The following ADGRB1 variants were observed in gnomAD, a reference collection of about 807,000 sequenced individuals.
ADGRB1 encodes the protein brain-specific angiogenesis inhibitor 1.
A neutral mutation model predicts 175.7 loss-of-function variants in ADGRB1; 36 were observed. The ratio of observed to expected loss-of-function variants is 0.20; its 90% CI spans 0.16 to 0.27. The LOEUF (loss-of-function observed/expected upper bound fraction) is 0.27, where lower values mean the gene tolerates loss of function less well. ADGRB1 is among the 10% of genes least tolerant of loss of function. ADGRB1 has a pLI of 1.00. For missense variants in ADGRB1, 1,731 were observed against 2,255.3 expected, an observed-to-expected ratio of 0.77 and a Z score of 4.71; for synonymous variants, 1,054 against 979.4, an observed-to-expected ratio of 1.08 and a Z score of -1.42.
chr8:142,524,826 C>T (rs912310663), intron 23 of ADGRB1, among the ~76,000 whole-genome samples: 4 of 152,114 alleles, frequency 2.6e-5, no homozygotes, highest in African/African-American at 7.2e-5. Context: ...AAGACTGTGG[C>T]AGGTGGCACG....
At chr8:142,539,330 G>A (rs772105493) in intron 26 of ADGRB1, 44 bp from the exon 27 acceptor site, 157 of 1,546,344 alleles carry the variant, frequency 1.0e-4, no homozygotes, top group Admixed American at 7.2e-4. Flanking sequence ...ACACACCCCC[G>A]CTCCCAGAGG....
chr8:142,526,448 G>A (rs1176792176), intron 23 of ADGRB1, 94 bp from the exon 24 acceptor site: 16 of 1,168,096 alleles, frequency 1.4e-5, no homozygotes, highest in South Asian at 9.2e-5. Flanking sequence ...GTAGGGGGTC[G>A]TGGTTGGCGT....
chr8:142,481,875 T>C (rs1207060304), intron 11 of ADGRB1, among the ~76,000 whole-genome samples, 164 bp downstream of exon 11: 5 of 151,572 alleles, frequency 3.3e-5, no homozygotes, highest in Non-Finnish European at 7.4e-5. Flanking sequence ...TGGTCACACA[T>C]TGAGCCCTGA....
chr8:142,521,899 T>C (rs1055712763), intron 20 of ADGRB1, 66 bp from the exon 21 acceptor site: 1 of 1,520,668 alleles, frequency 6.6e-7, no homozygotes, highest in African/African-American at 1.4e-5. Flanking sequence ...AGACAGGCAC[T>C]CAGTGGGGAC....
chr8:142,498,769 C>G (rs946723036), intron 17 of ADGRB1, among the ~76,000 whole-genome samples: 1 of 152,178 alleles, frequency 6.6e-6, no homozygotes, highest in Admixed American at 6.5e-5. Flanking sequence ...CCCCTGCCCA[C>G]ACTACCCCTC....
In ADGRB1 at chr8:142,458,335, G is replaced by A. The variant is rs1339847632; in HGVS notation, c.-219-5645G>A. Among the ~76,000 whole-genome samples, 4 of 152,318 alleles carry A rather than the reference G, an allele frequency of 2.6e-5. No individual in the cohort carries two copies. In the South Asian group the frequency reaches 6.2e-4, roughly 24 times the overall value. On this transcript the variant is annotated intron_variant, in intron 1 of 30. Coordinates refer to ENST00000517894, the MANE Select transcript of ADGRB1 (RefSeq NM_001702.3). ...CAGGCCTGGTGGCAGGGTGGGGTGC[G>A]TGTGTGCAGTCTGCACAGGCCCAGG...
intron 1 of ADGRB1, among the ~76,000 whole-genome samples, chr8:142,459,994 C>T (rs536963295): frequency 9.6e-4 from 147 of 152,370 alleles, no homozygotes; most frequent in Non-Finnish European, 1.3e-3. Flanking sequence ...CTCCCCTGCA[C>T]GCCCCACCCC....
chr8:142,520,064 G>C (rs992602548), intron 19 of ADGRB1, among the ~76,000 whole-genome samples: 14 of 150,326 alleles, frequency 9.3e-5, no homozygotes, highest in Admixed American at 2.6e-4. Flanking sequence ...GGTGGTGATA[G>C]TGGTGCTGAT....
Position 142,464,060 on chromosome 8 carries a change from G to A in ADGRB1, c.-139G>A, listed in dbSNP as rs1840106473. Reference sequence around the variant, plus strand: ...TGCCCTCTCTGTCACCTGAAGCGGGGCCCTCTCCCATCCCACCCTTGCCCC... The same window carrying A: ...TGCCCTCTCTGTCACCTGAAGCGGGACCCTCTCCCATCCCACCCTTGCCCC... On this transcript the variant is annotated 5_prime_UTR_variant, in exon 2 of 31. Transcript: ENST00000517894. The A allele has an allele frequency of 1.4e-6, 1 of 711,546 alleles. No individual in the cohort carries two copies. The allele number at this position is 711,546 out of a possible 1,614,324, so 44.1% of individuals were successfully genotyped here.
In ADGRB1 at chr8:142,493,715, G is replaced by A. The variant is rs567546626; in HGVS notation, c.2675+2900G>A. 5.3e-5 allele frequency among the ~76,000 whole-genome samples: 8 copies of A among 152,380 alleles called. No individual in the cohort carries two copies. Among genetic ancestry groups the A allele is most frequent in the East Asian group, 3.9e-4 (2 of 5,184 alleles). On this transcript the variant is annotated intron_variant, in intron 17 of 30. Coordinates refer to ENST00000517894, the MANE Select transcript of ADGRB1 (RefSeq NM_001702.3). This position sits in a 1 kb window ranked among gnomAD's most constrained non-coding sequence, Gnocchi z 5.0. ...CCTACAGTCCCGCTGAAAGCACAGC[G>A]CAGTGATCGAGGCCTTCTGCTCTGG...
intron 9 of ADGRB1, 24 bp downstream of exon 9, chr8:142,479,818 G>A (rs749986962): frequency 1.7e-5 from 27 of 1,596,240 alleles, no homozygotes; most frequent in South Asian, 8.9e-5. Flanking sequence ...AGCACGTGGT[G>A]TATGGGGGCT....
In ADGRB1 at chr8:142,484,770, C is replaced by G. The variant is rs538968830; in HGVS notation, c.2308+6C>G. 339 of 1,578,502 alleles carry G rather than the reference C, an allele frequency of 2.1e-4. 3 individuals are homozygous for G. The Admixed American group carries it at 5.4e-3, about 25-fold the overall frequency. Reference sequence around the variant, plus strand: ...CCAGGTGACAGACAACCTGGGTAAGCCTGCCCGCCTGCTGCCACCCCCCAT... The same window carrying G: ...CCAGGTGACAGACAACCTGGGTAAGGCTGCCCGCCTGCTGCCACCCCCCAT... On this transcript the variant is annotated splice_donor_region_variant and intron_variant, in intron 13 of 30. Coordinates refer to ENST00000517894, the MANE Select transcript of ADGRB1 (RefSeq NM_001702.3).
At position 142,484,736 on chromosome 8, in the gene ADGRB1, G is replaced by A. The variant is rs1342718634; in HGVS notation, c.2280G>A (p.Arg760=). The change falls in exon 13 of 31, where the codon AGG becomes AGA. Residue 760 remains arginine, a synonymous_variant. Transcript: ENST00000517894. The part of the protein sequence containing the change: ...DVIGFRMKDL[R]DAYQVTDNLV... ...TCGGCTTCCGCATGAAGGACCTGAGGGATGCATACCAGGTGACAGACAACC... is the reference window on the plus strand; with the variant it reads ...TCGGCTTCCGCATGAAGGACCTGAGAGATGCATACCAGGTGACAGACAACC... The A allele has an allele frequency of 1.2e-6, 2 of 1,610,722 alleles. No homozygotes were observed. Among genetic ancestry groups the A allele is most frequent in the Admixed American group, 1.7e-5 (1 of 59,722 alleles).
intron 2 of ADGRB1, among the ~76,000 whole-genome samples, chr8:142,467,908 G>T (rs1054968862): frequency 6.6e-6 from 1 of 152,222 alleles, no homozygotes; most frequent in African/African-American, 2.4e-5. Context: ...ATATGCTCGC[G>T]TATTCTTAGG....
In ADGRB1 at chr8:142,464,531, G is replaced by C. The variant is rs1391296526; in HGVS notation, c.333G>C (p.Thr111=). ...AGTTCGACTCCTTCCTCGAGTCCAC[G>C]CGCACCTACCTGGGCGTGGAGAGCT... ...TYQFDSFLES[T]RTYLGVESFD... Residue 111 remains threonine, a synonymous_variant, in exon 2 of 31, where the codon ACG becomes ACC. Transcript: ENST00000517894. 1.9e-6 allele frequency: 3 copies of C among 1,571,680 alleles called. No individual in the cohort carries two copies. Among genetic ancestry groups the C allele is most frequent in the Non-Finnish European group, 1.7e-6 (2 of 1,161,812 alleles).
At chr8:142,497,569 T>C (rs970828016) in intron 17 of ADGRB1, among the ~76,000 whole-genome samples, 1 of 152,140 alleles carries the variant, frequency 6.6e-6, no homozygotes, top group Non-Finnish European at 1.5e-5. Flanking sequence ...CCTCAGTATC[T>C]GCACCATGAT....
intron 27 of ADGRB1, 38 bp downstream of exon 27, chr8:142,539,451 GC>G (rs775517291): frequency 1.3e-6 from 2 of 1,593,254 alleles, no homozygotes; most frequent in South Asian, 2.3e-5. Flanking sequence ...TGCCAGCCCG[GC>G]CCCCTGCATG....
Position 142,539,410 on chromosome 8 carries a change from T to C in ADGRB1, c.3703T>C (p.Ser1235Pro). The C allele has an allele frequency of 6.2e-7, 1 of 1,601,152 alleles. No individual in the cohort carries two copies. Among genetic ancestry groups the C allele is most frequent in the Non-Finnish European group, 8.5e-7 (1 of 1,174,666 alleles). Residue 1235 changes from serine to proline, a missense_variant, in exon 27 of 31, where the codon TCA (serine) becomes CCA (proline). Physicochemically the swap from Ser to Pro is moderately conservative, Grantham distance 74. This residue lies in a region of ADGRB1 where 301 missense variants were observed against 488.4 expected (regional missense o/e 0.62). Coordinates refer to ENST00000517894, the MANE Select transcript of ADGRB1 (RefSeq NM_001702.3). Reference protein sequence around the residue: ...FEKDVDLACRSVLNKDIAACR... With the variant: ...FEKDVDLACRPVLNKDIAACR... ...GAAGGACGTGGATCTGGCCTGTAGATCAGGTGAGCGCCCGACAGGTGAGAG... is the reference window on the plus strand; with the variant it reads ...GAAGGACGTGGATCTGGCCTGTAGACCAGGTGAGCGCCCGACAGGTGAGAG...
At chr8:142,486,751 G>A (rs889712978) in intron 13 of ADGRB1, among the ~76,000 whole-genome samples, 3 of 152,214 alleles carry the variant, frequency 2.0e-5, no homozygotes, top group African/African-American at 7.2e-5. Flanking sequence ...AGGCACAGCG[G>A]CTCACGCCTG....
Sources: allele counts gnomAD v4.1 joint callset (sites outside exome capture counted in the v4.1 genomes callset), GRCh38; gene constraint gnomAD v4.1.1; regional missense constraint gnomAD v4.1.1; non-coding constraint Gnocchi (gnomAD v3.1); transcripts MANE v1.5; gene names NCBI Gene and HGNC (gene_info 2026-07-23, HGNC 2026-07-21).